Variants in TIAM2 observed in about 807,000 individuals in gnomAD.
TIAM2 encodes TIAM Rac1 associated GEF 2.
A neutral mutation model predicts 152.9 loss-of-function variants in TIAM2; 80 were observed. The ratio of observed to expected loss-of-function variants is 0.52; its 90% CI spans 0.44 to 0.63. The LOEUF (loss-of-function observed/expected upper bound fraction) is 0.63, where lower values mean the gene tolerates loss of function less well. TIAM2 is among the 30% of genes least tolerant of loss of function. The pLI is 0.00. For synonymous variants in TIAM2, 804 were observed against 838.0 expected, an observed-to-expected ratio of 0.96 and a Z score of 0.70; for missense variants, 1,965 against 2,120.1, an observed-to-expected ratio of 0.93 and a Z score of 1.44.
chr6:155,209,982 G>T (rs1781682839), intron 14 of TIAM2, among the ~76,000 whole-genome samples: 1 of 152,166 alleles, frequency 6.6e-6, no homozygotes. Context: ...AGCCTCTTGG[G>T]CCTAGATCAG....
intron 1 of TIAM2, among the ~76,000 whole-genome samples, chr6:155,080,543 G>A (rs1313393009): frequency 1.3e-5 from 2 of 151,596 alleles, no homozygotes; most frequent in Non-Finnish European, 2.9e-5. Context: ...AGGTTCAAGC[G>A]ATTCCCCTGC....
At chr6:155,187,331 A>G (rs1449226608) in intron 14 of TIAM2, among the ~76,000 whole-genome samples, 2 of 152,268 alleles carry the variant, frequency 1.3e-5, no homozygotes, top group East Asian at 3.9e-4. Context: ...GGCAGGTCCC[A>G]GGAAGCTAGG....
At position 155,240,717 on chromosome 6, in the gene TIAM2, A is replaced by T; in HGVS notation, c.3348+8A>T. On this transcript the variant is annotated splice_region_variant and intron_variant, in intron 16 of 26. Coordinates refer to ENST00000682666, the MANE Select transcript of TIAM2 (RefSeq NM_012454.4). Reference sequence around the variant, plus strand: ...GAGAAGTCCTACGTGAAGGTAAGGGAAGAGCTGGCATTTATGCATTCGTGC... The same window carrying T: ...GAGAAGTCCTACGTGAAGGTAAGGGTAGAGCTGGCATTTATGCATTCGTGC... The T allele has an allele frequency of 6.2e-7, 1 of 1,604,768 alleles. No homozygotes were observed. Among genetic ancestry groups the T allele is most frequent in the East Asian group, 2.2e-5 (1 of 44,750 alleles).
At chr6:155,097,447 T>G (rs1562314826) in intron 2 of TIAM2, among the ~76,000 whole-genome samples, 2 of 152,180 alleles carry the variant, frequency 1.3e-5, no homozygotes, top group Admixed American at 6.5e-5. Flanking sequence ...GCTCAAGCCA[T>G]CCTCCCATTT....
chr6:155,174,349 T>C lies in TIAM2; in HGVS notation c.2362-2467T>C, dbSNP rs1780709223. On this transcript the variant is annotated intron_variant, in intron 9 of 26. Coordinates refer to ENST00000682666, the MANE Select transcript of TIAM2 (RefSeq NM_012454.4). The surrounding 1 kb of genome is among the most constrained non-coding windows in gnomAD (Gnocchi z 4.2). ...GAACTGATGGCACATCAGGAGCTTG[T>C]TTCATTTGGTCTCACGAGATGCAGT... Among the ~76,000 whole-genome samples, 1 of 152,010 alleles carries C rather than the reference T, an allele frequency of 6.6e-6. No individual in the cohort carries two copies. Among genetic ancestry groups the C allele is most frequent in the South Asian group, 2.1e-4 (1 of 4,822 alleles).
chr6:155,165,146 A>G (rs1342457845), intron 8 of TIAM2, 117 bp from the exon 9 acceptor site: 2 of 1,089,012 alleles, frequency 1.8e-6, no homozygotes, highest in African/African-American at 1.6e-5. Flanking sequence ...TCAGACATGC[A>G]GGAGCTTTTG....
At chr6:155,171,941 AC>A (rs1183225963) in intron 9 of TIAM2, among the ~76,000 whole-genome samples, 1 of 152,086 alleles carries the variant, frequency 6.6e-6, no homozygotes, top group East Asian at 1.9e-4. Context: ...CCCATTTGTG[AC>A]AGCCAGATTG....
chr6:155,009,215 C>T (rs1778447670), intron 1 of TIAM2, among the ~76,000 whole-genome samples: 1 of 150,260 alleles, frequency 6.7e-6, no homozygotes, highest in Non-Finnish European at 1.5e-5. Context: ...GATTCTTGCA[C>T]CTCAGCCTTC....
intron 2 of TIAM2, among the ~76,000 whole-genome samples, chr6:155,124,734 C>T (rs1372429789): frequency 2.0e-5 from 3 of 152,276 alleles, no homozygotes; most frequent in East Asian, 1.9e-4. Flanking sequence ...CCTTTTTAGA[C>T]GTGTGACACA....
intron 1 of TIAM2, among the ~76,000 whole-genome samples, chr6:155,075,224 G>T (rs1583178360): frequency 6.6e-6 from 1 of 152,058 alleles, no homozygotes; most frequent in African/African-American, 2.4e-5. Flanking sequence ...ATTATTAATA[G>T]TACAGAATGT....
chr6:155,031,625 G>GA (rs1174375548), intron 1 of TIAM2, among the ~76,000 whole-genome samples: 2 of 152,164 alleles, frequency 1.3e-5, no homozygotes, highest in African/African-American at 4.8e-5. Context: ...TCGGGAGGCT[G>GA]AGGTGGGAGG....
At chr6:155,007,390 T>C (rs902608233) in intron 1 of TIAM2, among the ~76,000 whole-genome samples, 31 of 103,122 alleles carry the variant, frequency 3.0e-4, no homozygotes, top group African/African-American at 7.6e-4. Context: ...TCTTTCTTTC[T>C]TTTTTTTTTT....
At chr6:155,124,961 T>C (rs1251690989) in intron 2 of TIAM2, among the ~76,000 whole-genome samples, 3 of 152,058 alleles carry the variant, frequency 2.0e-5, no homozygotes, top group East Asian at 3.9e-4. Context: ...AGTGTCTTGC[T>C]TCTCCTCCCA....
rs1250665690 is a variant in TIAM2, at chr6:155,218,549, C to A, written c.3168+7242C>A. ...GAATAAACATAACACCACCACCAAC[C>A]CAGTGTTGTCAAAGGAATCACGTGA... On this transcript the variant is annotated intron_variant, in intron 15 of 26. Coordinates refer to ENST00000682666, the MANE Select transcript of TIAM2 (RefSeq NM_012454.4). This position sits in a 1 kb window ranked among gnomAD's most constrained non-coding sequence, Gnocchi z 4.5. 6.6e-6 allele frequency among the ~76,000 whole-genome samples: 1 copy of A among 152,196 alleles called. No homozygotes were observed. Among genetic ancestry groups the A allele is most frequent in the Non-Finnish European group, 1.5e-5 (1 of 68,046 alleles).
In TIAM2 at chr6:155,179,437, T is replaced by A. The variant is rs1399833162; in HGVS notation, c.2688T>A (p.Thr896=). 1.9e-6 allele frequency: 3 copies of A among 1,613,074 alleles called. No homozygotes were observed. Among genetic ancestry groups the A allele is most frequent in the Non-Finnish European group, 2.5e-6 (3 of 1,179,706 alleles). The change falls in exon 12 of 27, where the codon ACT becomes ACA. Residue 896 remains threonine (T), a synonymous_variant. Coordinates refer to ENST00000682666, the MANE Select transcript of TIAM2 (RefSeq NM_012454.4). ...TTTATGACGTGCAGCTCACGAAGACTGGGAGTGTGTGTGACTTTGGTGAGT... is the reference window on the plus strand; with the variant it reads ...TTTATGACGTGCAGCTCACGAAGACAGGGAGTGTGTGTGACTTTGGTGAGT... The part of the protein sequence containing the change: ...LNVYDVQLTK[T]GSVCDFGFAV...
chr6:155,099,565 A>G (rs1352831343), intron 2 of TIAM2, among the ~76,000 whole-genome samples: 1 of 152,224 alleles, frequency 6.6e-6, no homozygotes, highest in East Asian at 1.9e-4. Context: ...AACGTGATGC[A>G]TAATAATTGT....
chr6:155,008,276 A>C (rs191985318), intron 1 of TIAM2, among the ~76,000 whole-genome samples: 1 of 152,368 alleles, frequency 6.6e-6, no homozygotes. Flanking sequence ...TTGCTAAAAT[A>C]GCATGACACT....
intron 2 of TIAM2, among the ~76,000 whole-genome samples, chr6:155,117,422 G>A (rs7747955): frequency 0.43 from 64,684 of 151,944 alleles, 15,520 homozygotes; most frequent in East Asian, 0.66. Flanking sequence ...TCATAAACTT[G>A]ATGCTGTTAA....
At chr6:155,060,585 A>T (rs1029820060) in intron 1 of TIAM2, among the ~76,000 whole-genome samples, 7 of 152,246 alleles carry the variant, frequency 4.6e-5, no homozygotes, top group Admixed American at 2.0e-4. Flanking sequence ...CAGTTACTCC[A>T]GCTTTGGTGA....
Sources: gnomAD v4.1 joint callset for allele counts (sites outside exome capture counted in the v4.1 genomes callset) on GRCh38, gnomAD v4.1.1 for gene constraint, Gnocchi (gnomAD v3.1) non-coding constraint, MANE v1.5 for transcripts, NCBI Gene and HGNC (gene_info 2026-07-23, HGNC 2026-07-21) for gene names.